Variants in KCNK13 observed in about 807,000 individuals in gnomAD.
KCNK13 encodes the protein potassium channel subfamily K member 13.
Under a neutral mutation model 23.4 loss-of-function variants are expected in KCNK13, and 12 were observed. The observed-to-expected ratio is 0.51, with a 90% CI of 0.33 to 0.83. The LOEUF (loss-of-function observed/expected upper bound fraction) is 0.83. Among genes scored for constraint, KCNK13 ranks in the 40% least tolerant of loss-of-function variants. The pLI is 0.02. For synonymous variants in KCNK13, 231 were observed against 229.5 expected, an observed-to-expected ratio of 1.01 and a Z score of -0.06; for missense variants, 463 against 556.3, an observed-to-expected ratio of 0.83 and a Z score of 1.69.
chr14:90,173,396 T>A (rs1890386958), intron 1 of KCNK13, among the ~76,000 whole-genome samples: 1 of 152,116 alleles, frequency 6.6e-6, no homozygotes, highest in Non-Finnish European at 1.5e-5. Flanking sequence ...GAACTGAAGC[T>A]CAAACTTTGA....
chr14:90,124,265 A>G (rs912517833), intron 1 of KCNK13, among the ~76,000 whole-genome samples: 1 of 152,214 alleles, frequency 6.6e-6, no homozygotes, highest in Non-Finnish European at 1.5e-5. Flanking sequence ...TGTGATATGT[A>G]GACACTGTGC....
intron 1 of KCNK13, among the ~76,000 whole-genome samples, chr14:90,179,174 A>G (rs1890457659): frequency 6.6e-6 from 1 of 152,110 alleles, no homozygotes. Flanking sequence ...GATTAACTTT[A>G]CAATACACCA....
At chr14:90,079,126 A>G (rs558008386) in intron 1 of KCNK13, among the ~76,000 whole-genome samples, 1 of 152,268 alleles carries the variant, frequency 6.6e-6, no homozygotes, top group African/African-American at 2.4e-5. Context: ...CTCAGGTTCA[A>G]CATGGCTGCT....
chr14:90,100,291 C>T (rs1299009866), intron 1 of KCNK13, among the ~76,000 whole-genome samples: 2 of 152,138 alleles, frequency 1.3e-5, no homozygotes, highest in Non-Finnish European at 2.9e-5. Flanking sequence ...TAATAGGTGC[C>T]GTGGCTGCAT....
chr14:90,168,897 CAG>C (rs537748870), intron 1 of KCNK13, among the ~76,000 whole-genome samples: 29 of 152,298 alleles, frequency 1.9e-4, no homozygotes, highest in Non-Finnish European at 4.1e-4. Context: ...ACTGTTCTCA[CAG>C]TAGTGAGTAA....
At chr14:90,096,814 T>C (rs1402765147) in intron 1 of KCNK13, among the ~76,000 whole-genome samples, 3 of 152,350 alleles carry the variant, frequency 2.0e-5, no homozygotes, top group Non-Finnish European at 2.9e-5. Flanking sequence ...TTCTGCTTTC[T>C]GCTTCTTCTC....
At chr14:90,141,703 T>C (rs7140877) in intron 1 of KCNK13, among the ~76,000 whole-genome samples, 151,233 of 151,604 alleles carry the variant, frequency 1, 75,435 homozygotes, top group Middle Eastern at 1. Flanking sequence ...AGTGATCTGC[T>C]GGGCTCGGCC....
At chr14:90,144,495 CTT>C (rs71117323) in intron 1 of KCNK13, among the ~76,000 whole-genome samples, 36 of 119,242 alleles carry the variant, frequency 3.0e-4, no homozygotes, top group South Asian at 5.2e-4. Context: ...TTTACTTTCT[CTT>C]TTTTTTTTTT....
At chr14:90,066,293 C>G (rs533082157) in intron 1 of KCNK13, among the ~76,000 whole-genome samples, 2 of 149,844 alleles carry the variant, frequency 1.3e-5, no homozygotes, top group East Asian at 3.9e-4. Context: ...TTGAGGGAGT[C>G]TCAATTTGCC....
intron 1 of KCNK13, among the ~76,000 whole-genome samples, chr14:90,178,787 G>A (rs1361974810): frequency 6.6e-6 from 1 of 151,990 alleles, no homozygotes; most frequent in African/African-American, 2.4e-5. Flanking sequence ...AGTTGCCTCT[G>A]CATATAAGAA....
chr14:90,166,682 G>A (rs1389972066), intron 1 of KCNK13, among the ~76,000 whole-genome samples: 4 of 151,538 alleles, frequency 2.6e-5, no homozygotes, highest in African/African-American at 4.9e-5. Context: ...CCCTAGTCTG[G>A]GCGACAGAGC....
At chr14:90,068,349 C>T (rs900344441) in intron 1 of KCNK13, among the ~76,000 whole-genome samples, 1 of 152,070 alleles carries the variant, frequency 6.6e-6, no homozygotes, top group Non-Finnish European at 1.5e-5. Flanking sequence ...AATCTCAGCA[C>T]TTTGGGAGGG....
intron 1 of KCNK13, among the ~76,000 whole-genome samples, chr14:90,074,615 G>A (rs574076414): frequency 2.8e-4 from 43 of 152,314 alleles, no homozygotes; most frequent in African/African-American, 1.0e-3. Context: ...AGTGATTTGA[G>A]AATATGCATT....
intron 1 of KCNK13, among the ~76,000 whole-genome samples, chr14:90,063,673 G>A (rs1193783926): frequency 6.6e-6 from 1 of 152,206 alleles, no homozygotes; most frequent in Non-Finnish European, 1.5e-5. Flanking sequence ...AGAGCTCGCT[G>A]GTGAGGTGGG....
At chr14:90,078,237 T>C (rs1173219244) in intron 1 of KCNK13, among the ~76,000 whole-genome samples, 1 of 151,964 alleles carries the variant, frequency 6.6e-6, no homozygotes, top group African/African-American at 2.4e-5. Context: ...CTGGCCAACA[T>C]GGCGAAACCC....
chr14:90,180,096 G>A (rs1050256662), intron 1 of KCNK13, among the ~76,000 whole-genome samples: 26 of 152,130 alleles, frequency 1.7e-4, no homozygotes, highest in Admixed American at 2.6e-4. Flanking sequence ...GTGGAAAAAA[G>A]CACAGGCCTG....
chr14:90,101,964 A>G (rs1047387637), intron 1 of KCNK13, among the ~76,000 whole-genome samples: 7 of 150,548 alleles, frequency 4.6e-5, no homozygotes, highest in Admixed American at 3.3e-4. Context: ...GCTCACTGCA[A>G]CCTCTGCCTC....
At chr14:90,078,098 G>A (rs1470409802) in intron 1 of KCNK13, among the ~76,000 whole-genome samples, 1 of 152,106 alleles carries the variant, frequency 6.6e-6, no homozygotes, top group Non-Finnish European at 1.5e-5. Context: ...TTAACAGACT[G>A]TGACCCAGTA....
chr14:90,126,870 G>A (rs190928120), intron 1 of KCNK13, among the ~76,000 whole-genome samples: 56 of 152,084 alleles, frequency 3.7e-4, no homozygotes, highest in Non-Finnish European at 7.1e-4. Flanking sequence ...AAAATATCAG[G>A]CAAATTCCAA....
Sources: gnomAD v4.1 joint callset for allele counts (sites outside exome capture counted in the v4.1 genomes callset) on GRCh38, gnomAD v4.1.1 for gene constraint, MANE v1.5 for transcripts, NCBI Gene and HGNC (gene_info 2026-07-23, HGNC 2026-07-21) for gene names.